Variants in TLK1 observed in about 807,000 individuals in gnomAD.
The protein encoded by TLK1 is tousled like kinase 1, also known as serine/threonine-protein kinase tousled-like 1.
Under a neutral mutation model 105.3 loss-of-function variants are expected in TLK1, and 24 were observed. The observed-to-expected ratio is 0.23, with a 90% CI of 0.17 to 0.32. TLK1 has a LOEUF of 0.32. Ranked by LOEUF, TLK1 falls within the 10% of genes least tolerant of loss-of-function variation. The probability of loss-of-function intolerance (pLI) is 1.00; values close to 1 mark genes in which losing one functional copy is unlikely to be tolerated. For missense variants in TLK1, 558 were observed against 910.5 expected (o/e 0.61, Z 4.98); for synonymous variants, 321 against 310.4 (o/e 1.03, Z -0.36).
chr2:171,227,591 T>G (rs1442342277), intron 1 of TLK1, among the ~76,000 whole-genome samples: 2 of 139,474 alleles, frequency 1.4e-5, no homozygotes, highest in Non-Finnish European at 3.1e-5. Context: ...TTTTTTTTTT[T>G]TTTTTTTGTT....
intron 3 of TLK1, among the ~76,000 whole-genome samples, chr2:171,080,033 A>T (rs1281364795): frequency 2.5e-4 from 38 of 150,650 alleles, no homozygotes; most frequent in Non-Finnish European, 4.5e-4. Flanking sequence ...TTTTTTTTAA[A>T]AAAAAAGTAA....
intron 12 of TLK1, among the ~76,000 whole-genome samples, chr2:171,015,403 A>G (rs1372041650): frequency 6.9e-6 from 1 of 143,902 alleles, no homozygotes; most frequent in African/African-American, 2.6e-5. Context: ...GCCTTACAGC[A>G]TTTGGAGTAC....
In TLK1 at chr2:170,993,323, A is replaced by C. The variant is rs1683870373; in HGVS notation, c.*457T>G. On this transcript the variant is annotated 3_prime_UTR_variant, in exon 21 of 21. Coordinates refer to ENST00000431350, the MANE Select transcript of TLK1 (RefSeq NM_012290.5). Reference sequence around the variant, plus strand: ...CAGCAGATTAACTGCCAAATGCTGAAGAATGTATCCAGGCACTATAGTTCG... The same window carrying C: ...CAGCAGATTAACTGCCAAATGCTGACGAATGTATCCAGGCACTATAGTTCG... The C allele has an allele frequency of 6.5e-6, 1 of 152,846 alleles. No individual in the cohort carries two copies. The highest frequency in any genetic ancestry group is 2.4e-5 in the African/African-American group (1 of 41,478). The allele number at this position is 152,846 out of a possible 1,614,324, so 9.5% of individuals were successfully genotyped here.
intron 3 of TLK1, among the ~76,000 whole-genome samples, chr2:171,072,208 T>C (rs1268540462): frequency 6.6e-6 from 1 of 152,252 alleles, no homozygotes; most frequent in Non-Finnish European, 1.5e-5. Context: ...TTTAAAAGTA[T>C]TGATGCTTCC....
intron 1 of TLK1, among the ~76,000 whole-genome samples, chr2:171,172,376 C>T (rs1692746346): frequency 6.6e-6 from 1 of 152,112 alleles, no homozygotes; most frequent in Non-Finnish European, 1.5e-5. Context: ...TAGATTTGTA[C>T]ACTTTGGTAC....
intron 8 of TLK1, among the ~76,000 whole-genome samples, chr2:171,053,179 A>C (rs1687323687): frequency 6.6e-6 from 1 of 152,156 alleles, no homozygotes; most frequent in Non-Finnish European, 1.5e-5. Flanking sequence ...AAATCAATAA[A>C]CTTTAACATG....
At chr2:171,208,212 A>G (rs889415628) in intron 1 of TLK1, among the ~76,000 whole-genome samples, 1 of 152,222 alleles carries the variant, frequency 6.6e-6, no homozygotes, top group African/African-American at 2.4e-5. Context: ...AGGAAGGTAT[A>G]AGAATAGACT....
Position 170,991,494 on chromosome 2 carries a change from T to C in TLK1, c.*2286A>G, listed in dbSNP as rs1376187627. On this transcript the variant is annotated 3_prime_UTR_variant, in exon 21 of 21. Transcript: ENST00000431350. ...TTGGGAAACTTTTAGAAGGAAAATA[T>C]GGGTCTATAAGTTGATTCATCTCCT... 6.6e-6 allele frequency: 1 copy of C among 152,210 alleles called. No homozygotes were observed. Among genetic ancestry groups the C allele is most frequent in the Non-Finnish European group, 1.5e-5 (1 of 68,028 alleles). 9.4% of individuals were successfully genotyped at this position (152,210 alleles called of 1,614,324 possible). A position where few individuals can be genotyped will look rare whatever the true frequency, so the allele number is the denominator to read the frequency against.
intron 10 of TLK1, among the ~76,000 whole-genome samples, chr2:171,049,329 G>C (rs1210371736): frequency 6.8e-6 from 1 of 147,386 alleles, no homozygotes; most frequent in African/African-American, 2.7e-5. Flanking sequence ...CCTCAGAAAC[G>C]CTAAAGCCAC....
intron 11 of TLK1, among the ~76,000 whole-genome samples, chr2:171,042,591 C>A (rs1686735955): frequency 6.6e-6 from 1 of 151,924 alleles, no homozygotes; most frequent in Non-Finnish European, 1.5e-5. Flanking sequence ...TTTCCATACA[C>A]CAAACACTGT....
chr2:171,143,506 C>CAAAAAAAAAAAAA (rs577555732), intron 1 of TLK1, among the ~76,000 whole-genome samples: 2 of 44,304 alleles, frequency 4.5e-5, no homozygotes, highest in African/African-American at 8.0e-5. Context: ...ACTCTATCTC[C>CAAAAAAAAAAAAA]AAAAAAAAAA....
chr2:171,024,567 G>A (rs1199170945), intron 12 of TLK1, among the ~76,000 whole-genome samples: 2 of 152,122 alleles, frequency 1.3e-5, no homozygotes, highest in Admixed American at 6.6e-5. Context: ...AAAGCCACAA[G>A]TGAATTAATT....
At chr2:171,085,650 G>A (rs1358194800) in intron 2 of TLK1, among the ~76,000 whole-genome samples, 2 of 152,124 alleles carry the variant, frequency 1.3e-5, no homozygotes, top group East Asian at 3.8e-4. Context: ...TAAACACATG[G>A]AAAGCATAGA....
At chr2:171,079,327 G>T (rs1330133908) in intron 3 of TLK1, among the ~76,000 whole-genome samples, 1 of 152,180 alleles carries the variant, frequency 6.6e-6, no homozygotes, top group Non-Finnish European at 1.5e-5. Flanking sequence ...AATGGAATTG[G>T]TGGTTTCTTG....
intron 13 of TLK1, among the ~76,000 whole-genome samples, chr2:171,014,039 A>G (rs1040050188): frequency 2.0e-5 from 3 of 152,242 alleles, no homozygotes; most frequent in Admixed American, 6.5e-5. Context: ...TGTAAGCTGT[A>G]CTTTTCCATT....
chr2:171,203,447 T>C (rs1693440554), intron 1 of TLK1, among the ~76,000 whole-genome samples: 1 of 152,224 alleles, frequency 6.6e-6, no homozygotes, highest in African/African-American at 2.4e-5. Context: ...AACATTGTAT[T>C]TGTCTTTTTG....
intron 14 of TLK1, 38 bp from the exon 15 acceptor site, chr2:171,007,101 C>G (rs376697913): frequency 4.2e-5 from 63 of 1,516,244 alleles, no homozygotes; most frequent in Non-Finnish European, 5.5e-5. Flanking sequence ...GATGAAAGAC[C>G]AATTGAATAG....
At chr2:171,163,433 T>C (rs1365107616), upstream of TLK1, among the ~76,000 whole-genome samples, 10 of 152,354 alleles carry the variant, frequency 6.6e-5, no homozygotes, top group South Asian at 1.9e-3. Context: ...GTATGCTCTT[T>C]CTGTATTTTT....
Position 171,160,333 on chromosome 2 carries a change from C to T in TLK1, c.96G>A (p.Arg32=), listed in dbSNP as rs761596979. Residue 32 remains arginine, a synonymous_variant, in exon 1 of 21, where the codon AGG becomes AGA. Coordinates refer to ENST00000431350, the MANE Select transcript of TLK1 (RefSeq NM_012290.5). The surrounding 1 kb of genome is among the most constrained non-coding windows in gnomAD (Gnocchi z 4.4). The part of the protein sequence containing the change: ...SPTPGSAAAA[R]SLLNHTPPSG... ...ATGGCGGCGTGTGATTCAGCAGGGA[C>T]CTGGCCGCCGCCGCCGAGCCCGGGG... The T allele has an allele frequency of 3.7e-6, 6 of 1,602,858 alleles. No homozygotes were observed. Among genetic ancestry groups the T allele is most frequent in the Non-Finnish European group, 5.1e-6 (6 of 1,175,732 alleles).
Sources: gnomAD v4.1 joint callset for allele counts (sites outside exome capture counted in the v4.1 genomes callset) on GRCh38, gnomAD v4.1.1 for gene constraint, Gnocchi (gnomAD v3.1) non-coding constraint, MANE v1.5 for transcripts, NCBI Gene and HGNC (gene_info 2026-07-23, HGNC 2026-07-21) for gene names.